The following FILIP1 variants were observed in gnomAD, a reference collection of about 807,000 sequenced individuals.
FILIP1 encodes the protein filamin A interacting protein 1, also known as filamin-A-interacting protein 1.
Under a neutral mutation model 102.1 loss-of-function variants are expected in FILIP1, and 61 were observed. The observed-to-expected ratio is 0.60, with a 90% CI of 0.49 to 0.74. FILIP1 has a LOEUF of 0.74. FILIP1 is among the 30% of genes least tolerant of loss of function. The probability of loss-of-function intolerance (pLI) is 0.00; values close to 1 mark genes in which losing one functional copy is unlikely to be tolerated. For missense variants in FILIP1, 1,314 were observed against 1,441.2 expected (o/e 0.91, Z 1.43); for synonymous variants, 491 against 526.9 (o/e 0.93, Z 0.93).
At chr6:75,439,566 C>G (rs1778139440) in intron 1 of FILIP1, among the ~76,000 whole-genome samples, 1 of 152,206 alleles carries the variant, frequency 6.6e-6, no homozygotes, top group Admixed American at 6.5e-5. Context: ...AGTATAGTCA[C>G]TCCTTGAGAT....
At chr6:75,423,426 T>C (rs765785927) in intron 1 of FILIP1, among the ~76,000 whole-genome samples, 19 of 152,010 alleles carry the variant, frequency 1.2e-4, no homozygotes, top group South Asian at 2.1e-4. Context: ...AGCTCAGTGG[T>C]TGGACTCAGA....
intron 2 of FILIP1, among the ~76,000 whole-genome samples, chr6:75,365,566 T>C (rs1215206595): frequency 6.6e-6 from 1 of 152,190 alleles, no homozygotes; most frequent in Non-Finnish European, 1.5e-5. Context: ...TTTGTATTTT[T>C]AGTAGAGACA....
intron 6 of FILIP1, among the ~76,000 whole-genome samples, chr6:75,301,003 A>C (rs1428430937): frequency 1.3e-5 from 2 of 152,234 alleles, no homozygotes; most frequent in African/African-American, 2.4e-5. Context: ...AACATTAACT[A>C]TAAATAAAAA....
rs376197911 is a variant in FILIP1, at chr6:75,485,692, TAGTC to T, written c.-7+7718_-7+7721del. Among the ~76,000 whole-genome samples the T allele has an allele frequency of 3.9e-4, 60 of 152,188 alleles. No homozygotes were observed. The East Asian group carries it at 0.011, about 27-fold the overall frequency. On this transcript the variant is annotated intron_variant, in intron 1 of 5. Coordinates refer to ENST00000237172, the MANE Select transcript of FILIP1 (RefSeq NM_015687.5). ...CTCAAAAGTTTCAATTATTTCCAAA[TAGTC>T]AGACATTTGGACATCATGCAGGCAA...
Position 75,460,163 on chromosome 6 carries a change from A to G in FILIP1, c.-7+33251T>C, listed in dbSNP as rs34565413. Among the ~76,000 whole-genome samples, 1,025 of 152,320 alleles carry G rather than the reference A, an allele frequency of 6.7e-3. 4 individuals are homozygous for G. The highest frequency in any genetic ancestry group is 0.029 in the South Asian group (142 of 4,826). On this transcript the variant is annotated intron_variant, in intron 1 of 5. Transcript: ENST00000237172. ...AGGATTCTTTGGTTGGAACTCCTTC[A>G]GGAATTTAGTGCGGTCTCCACAACT...
At chr6:75,440,594 G>A (rs1778177853) in intron 1 of FILIP1, among the ~76,000 whole-genome samples, 1 of 152,164 alleles carries the variant, frequency 6.6e-6, no homozygotes, top group African/African-American at 2.4e-5. Flanking sequence ...CCACAGGTGA[G>A]GGCTCACTGG....
intron 2 of FILIP1, among the ~76,000 whole-genome samples, chr6:75,394,715 A>G (rs1776404360): frequency 6.6e-6 from 1 of 152,200 alleles, no homozygotes; most frequent in East Asian, 1.9e-4. Flanking sequence ...AATGTAAATT[A>G]AAACTACTGG....
At chr6:75,381,872 A>C (rs770185762) in intron 2 of FILIP1, among the ~76,000 whole-genome samples, 1 of 152,228 alleles carries the variant, frequency 6.6e-6, no homozygotes, top group Non-Finnish European at 1.5e-5. Flanking sequence ...AGCTCAGATA[A>C]AGTAAATAGC....
Position 75,313,491 on chromosome 6 carries a change from G to A in FILIP1, c.2341C>T (p.Arg781Cys), listed in dbSNP as rs542938844. ...NLTKELELSK[R>C]YSRALRPSVN... The stretch of plus-strand genomic sequence containing the variant: ...CTGGGCCTAAGAGCTCTGCTGTAGC[G>A]CTTGGAAAGCTCCAACTCTTTGGTC... The change falls in exon 5 of 6, where the codon CGC becomes TGC. Residue 781 changes from arginine (R) to cysteine (C), a missense_variant. By Grantham distance (180) the Arg-to-Cys change is radical. This residue lies in a region of FILIP1 where 816 missense variants were observed against 913.1 expected (regional missense o/e 0.89). Coordinates refer to ENST00000237172, the MANE Select transcript of FILIP1 (RefSeq NM_015687.5). The surrounding 1 kb of genome is among the most constrained non-coding windows in gnomAD (Gnocchi z 4.2). 1.5e-5 allele frequency: 25 copies of A among 1,614,146 alleles called. No homozygotes were observed. Among genetic ancestry groups the A allele is most frequent in the African/African-American group, 8.0e-5 (6 of 75,024 alleles).
At chr6:75,439,696 C>T (rs1778143338) in intron 1 of FILIP1, among the ~76,000 whole-genome samples, 1 of 152,170 alleles carries the variant, frequency 6.6e-6, no homozygotes. Flanking sequence ...AGGAGAATGT[C>T]CTGGAGAGCA....
intron 2 of FILIP1, among the ~76,000 whole-genome samples, chr6:75,365,143 A>G (rs1169766786): frequency 6.6e-6 from 1 of 152,154 alleles, no homozygotes; most frequent in Non-Finnish European, 1.5e-5. Flanking sequence ...TTTTTCTAAC[A>G]TGTGAAATGT....
chr6:75,379,474 G>C (rs966903516), intron 2 of FILIP1, among the ~76,000 whole-genome samples: 1 of 152,200 alleles, frequency 6.6e-6, no homozygotes, highest in Admixed American at 6.5e-5. Context: ...AAAGGTGTTA[G>C]ATAGATTGCA....
intron 2 of FILIP1, among the ~76,000 whole-genome samples, chr6:75,370,569 CTTTTTTTTTTT>C (rs61384517): frequency 5.2e-4 from 39 of 75,702 alleles, no homozygotes; most frequent in Non-Finnish European, 2.5e-4. Flanking sequence ...GGAGTCTCTT[CTTTTTTTTTTT>C]TTTTTTTTTT....
chr6:75,393,598 G>T (rs1485648532), intron 2 of FILIP1, among the ~76,000 whole-genome samples: 1 of 152,140 alleles, frequency 6.6e-6, no homozygotes, highest in Admixed American at 6.6e-5. Context: ...TAAATCTTTG[G>T]AGTAAACTAG....
intron 6 of FILIP1, among the ~76,000 whole-genome samples, chr6:75,301,147 G>T (rs1772826196): frequency 6.6e-6 from 1 of 152,172 alleles, no homozygotes; most frequent in Non-Finnish European, 1.5e-5. Flanking sequence ...ATAACATTAT[G>T]TGTGAAAACT....
chr6:75,330,199 G>A (rs550595907), intron 4 of FILIP1, among the ~76,000 whole-genome samples: 1 of 152,018 alleles, frequency 6.6e-6, no homozygotes, highest in African/African-American at 2.4e-5. Flanking sequence ...GAGTTTTTTG[G>A]CATCACCTTA....
At chr6:75,438,023 T>G (rs1403247442) in intron 1 of FILIP1, among the ~76,000 whole-genome samples, 1 of 152,226 alleles carries the variant, frequency 6.6e-6, no homozygotes, top group Non-Finnish European at 1.5e-5. Flanking sequence ...CCAAACTGCA[T>G]TGTAACAACT....
In FILIP1 at chr6:75,376,134, ATTG is replaced by A. The variant is rs1475513662; in HGVS notation, c.277-13220_277-13218del. 4.6e-5 allele frequency among the ~76,000 whole-genome samples: 7 copies of A among 152,178 alleles called. No individual in the cohort carries two copies. The South Asian group carries it at 6.2e-4, about 13-fold the overall frequency. ...ATTTTCTGATGTACTGAAGATTAATATTGTTGTGTCCTTACTGAATCCATTTGC... is the reference window on the plus strand; with the variant it reads ...ATTTTCTGATGTACTGAAGATTAATATTGTGTCCTTACTGAATCCATTTGC... On this transcript the variant is annotated intron_variant, in intron 2 of 5. Transcript: ENST00000237172.
intron 2 of FILIP1, among the ~76,000 whole-genome samples, chr6:75,411,041 T>C (rs901837998): frequency 3.9e-5 from 6 of 152,176 alleles, no homozygotes; most frequent in African/African-American, 1.2e-4. Context: ...CCACCAACAG[T>C]GTAAGAGCTT....
Sources: gnomAD v4.1 joint callset for allele counts (sites outside exome capture counted in the v4.1 genomes callset) on GRCh38, gnomAD v4.1.1 for gene constraint, gnomAD v4.1.1 regional missense constraint, Gnocchi (gnomAD v3.1) non-coding constraint, MANE v1.5 for transcripts, NCBI Gene and HGNC (gene_info 2026-07-23, HGNC 2026-07-21) for gene names.